RIMBP2: variants seen among roughly 807,000 people sequenced by gnomAD.
RIMBP2 encodes RIMS-binding protein 2.
A neutral mutation model predicts 118.6 loss-of-function variants in RIMBP2; 48 were observed. That is an observed-to-expected ratio of 0.40 (90% confidence interval 0.32 to 0.51). RIMBP2 has a LOEUF of 0.51. RIMBP2 is among the 20% of genes least tolerant of loss of function. RIMBP2 has a pLI of 0.41. For synonymous variants in RIMBP2, 762 were observed against 742.9 expected (o/e 1.03, Z -0.42); for missense variants, 1,551 against 1,768.3 (o/e 0.88, Z 2.20).
chr12:130,645,755 G>C (rs1161928182), intron 1 of RIMBP2, among the ~76,000 whole-genome samples: 1 of 152,164 alleles, frequency 6.6e-6, no homozygotes, highest in Non-Finnish European at 1.5e-5. Flanking sequence ...CTTATCGCTG[G>C]ACTTTCAGGT....
chr12:130,639,803 A>G (rs2062533370), intron 1 of RIMBP2, among the ~76,000 whole-genome samples: 1 of 152,202 alleles, frequency 6.6e-6, no homozygotes, highest in Admixed American at 6.5e-5. Flanking sequence ...GCTACAAATG[A>G]CAGATCATTA....
At chr12:130,500,550 T>C (rs1402156382) in intron 4 of RIMBP2, among the ~76,000 whole-genome samples, 5 of 152,168 alleles carry the variant, frequency 3.3e-5, no homozygotes, top group African/African-American at 1.2e-4. Flanking sequence ...GCACGTTGTC[T>C]TTAGCTAAAT....
chr12:130,459,867 C>T (rs188419588), intron 6 of RIMBP2, among the ~76,000 whole-genome samples: 23 of 152,304 alleles, frequency 1.5e-4, no homozygotes, highest in Admixed American at 5.2e-4. Flanking sequence ...GCCACTCCCA[C>T]GCCTGTGTCC....
At chr12:130,544,209 C>T (rs557079703) in intron 2 of RIMBP2, among the ~76,000 whole-genome samples, 3 of 152,298 alleles carry the variant, frequency 2.0e-5, no homozygotes, top group African/African-American at 7.2e-5. Context: ...CCACACACCC[C>T]ACCCTCTCAA....
chr12:130,566,073 C>T (rs2057193669), intron 2 of RIMBP2, among the ~76,000 whole-genome samples: 1 of 152,122 alleles, frequency 6.6e-6, no homozygotes, highest in Admixed American at 6.5e-5. Context: ...TCTGCCTGCC[C>T]AAGGTCAAAG....
intron 2 of RIMBP2, among the ~76,000 whole-genome samples, chr12:130,606,489 A>T (rs1284877593): frequency 1.3e-5 from 2 of 152,234 alleles, no homozygotes; most frequent in East Asian, 3.8e-4. Context: ...TCACCGCATC[A>T]GCGCTGTGGA....
intron 1 of RIMBP2, among the ~76,000 whole-genome samples, chr12:130,646,731 C>G (rs1399144453): frequency 1.3e-5 from 2 of 152,246 alleles, no homozygotes; most frequent in Non-Finnish European, 2.9e-5. Context: ...TTGATGTCAT[C>G]TCCTACAGGG....
At chr12:130,506,940 A>T (rs2138822841) in intron 3 of RIMBP2, among the ~76,000 whole-genome samples, 170 bp from the exon 4 acceptor site, 1 of 152,162 alleles carries the variant, frequency 6.6e-6, no homozygotes, top group East Asian at 1.9e-4. Flanking sequence ...ACTACACATG[A>T]CCAAGGGCTG....
In RIMBP2 at chr12:130,424,143, A is replaced by C; in HGVS notation, c.3128T>G (p.Leu1043Arg). The C allele has an allele frequency of 1.6e-6, 2 of 1,229,120 alleles. No individual in the cohort carries two copies. Among genetic ancestry groups the C allele is most frequent in the Non-Finnish European group, 2.0e-6 (2 of 985,200 alleles). 76.1% of individuals were successfully genotyped at this position (1,229,120 alleles called of 1,614,324 possible). The change falls in exon 16 of 23, where the codon CTG becomes CGG. Residue 1043 changes from leucine (L) to arginine (R), a missense_variant and splice_region_variant. Physicochemically the swap from Leu to Arg is moderately radical, Grantham distance 102. This residue lies in a region of RIMBP2 where 1,038 missense variants were observed against 1,125.1 expected (regional missense o/e 0.92). Coordinates refer to ENST00000690449, the MANE Select transcript of RIMBP2 (RefSeq NM_001393629.1). This position sits in a 1 kb window ranked among gnomAD's most constrained non-coding sequence, Gnocchi z 9.8. The stretch of plus-strand genomic sequence containing the variant: ...GAAAAGGAAGTTTAGGTCACACACC[A>C]GGGGGCCTTGTGCGACTCTGGGAGG... ...KPPPRVAQGP[L>R]ILGNPASAGR...
At chr12:130,448,223 G>A (rs1392695835) in intron 9 of RIMBP2, among the ~76,000 whole-genome samples, 5 of 152,258 alleles carry the variant, frequency 3.3e-5, no homozygotes, top group Admixed American at 6.5e-5. Context: ...TGATGGCCAC[G>A]GGAGAGGCAG....
intron 2 of RIMBP2, among the ~76,000 whole-genome samples, chr12:130,595,477 G>A (rs2059501438): frequency 6.6e-6 from 1 of 152,124 alleles, no homozygotes; most frequent in South Asian, 2.1e-4. Flanking sequence ...GTGAACCCAG[G>A]AGGCAGAGCT....
At chr12:130,661,444 G>T (rs1164187873) in intron 1 of RIMBP2, among the ~76,000 whole-genome samples, 1 of 149,132 alleles carries the variant, frequency 6.7e-6, no homozygotes, top group Non-Finnish European at 1.5e-5. Context: ...TGAGCCATTG[G>T]CTGAGAAGTG....
At chr12:130,403,232 C>G (rs986099427) in intron 21 of RIMBP2, among the ~76,000 whole-genome samples, 2 of 152,162 alleles carry the variant, frequency 1.3e-5, no homozygotes, top group Non-Finnish European at 2.9e-5. Flanking sequence ...ATAAGAAATA[C>G]TTAAATGAAC....
intron 5 of RIMBP2, among the ~76,000 whole-genome samples, chr12:130,470,953 AG>A (rs1216546475): frequency 6.6e-6 from 1 of 152,222 alleles, no homozygotes; most frequent in Non-Finnish European, 1.5e-5. Flanking sequence ...TTGCACATCC[AG>A]GGGGTCTGGG....
At chr12:130,402,425 T>A (rs1295564727) in intron 21 of RIMBP2, among the ~76,000 whole-genome samples, 1 of 152,120 alleles carries the variant, frequency 6.6e-6, no homozygotes, top group African/African-American at 2.4e-5. Flanking sequence ...TGCCTTCCCC[T>A]GGTACTGACG....
Position 130,539,095 on chromosome 12 carries a change from T to G in RIMBP2, c.-216-21178A>C, listed in dbSNP as rs573170268. On this transcript the variant is annotated intron_variant, in intron 2 of 22. Coordinates refer to ENST00000690449, the MANE Select transcript of RIMBP2 (RefSeq NM_001393629.1). ...CAGCTTGCCCCTTTTAAATAAAGTT[T>G]TATTGGAACACACCCATATTCATTC... Among the ~76,000 whole-genome samples the G allele has an allele frequency of 3.3e-5, 5 of 152,300 alleles. No individual in the cohort carries two copies. In the East Asian group the frequency reaches 5.8e-4, roughly 18 times the overall value.
At chr12:130,699,923 A>G (rs867714628) in intron 1 of RIMBP2, among the ~76,000 whole-genome samples, 2 of 147,102 alleles carry the variant, frequency 1.4e-5, no homozygotes, top group East Asian at 2.0e-4. Flanking sequence ...AAAAAAAAAA[A>G]AAAAAAGAAA....
At chr12:130,478,771 T>C (rs1332710583) in intron 5 of RIMBP2, 141 bp downstream of exon 5, 2 of 618,500 alleles carry the variant, frequency 3.2e-6, no homozygotes, top group Non-Finnish European at 5.8e-6. Context: ...CAGAAATGAC[T>C]CTGAATTCTT....
rs142625685 is a variant in RIMBP2, at chr12:130,618,370, G to A, written c.-217+9952C>T. Among the ~76,000 whole-genome samples the A allele has an allele frequency of 1.7e-4, 26 of 152,166 alleles. No homozygotes were observed. In the East Asian group the frequency reaches 2.5e-3, roughly 15 times the overall value. On this transcript the variant is annotated intron_variant, in intron 2 of 22. Transcript: ENST00000690449. The stretch of plus-strand genomic sequence containing the variant: ...GACAATGTACAGCACTGGATATATC[G>A]TAGGATCTTCATCTCACTCCATGGG...
Sources: gnomAD v4.1 joint callset for allele counts (sites outside exome capture counted in the v4.1 genomes callset) on GRCh38, gnomAD v4.1.1 for gene constraint, gnomAD v4.1.1 regional missense constraint, Gnocchi (gnomAD v3.1) non-coding constraint, MANE v1.5 for transcripts, NCBI Gene and HGNC (gene_info 2026-07-23, HGNC 2026-07-21) for gene names.